Variants in BLZF1 observed in about 807,000 individuals in gnomAD.
BLZF1 encodes the protein basic leucine zipper nuclear factor 1.
BLZF1 carries 39 observed loss-of-function variants against 43.8 expected under a neutral mutation model. The observed-to-expected ratio is 0.89, with a 90% confidence interval of 0.69 to 1.16. The LOEUF (loss-of-function observed/expected upper bound fraction) is 1.16. Ranked by LOEUF, BLZF1 falls within the 50% of genes most tolerant of loss-of-function variation. BLZF1 has a pLI of 0.00. For missense variants in BLZF1, 449 were observed against 469.8 expected (o/e 0.96, Z 0.41); for synonymous variants, 136 against 159.4 (o/e 0.85, Z 1.11).
At position 169,376,621 on chromosome 1, in the gene BLZF1, C is replaced by T; in HGVS notation, c.110C>T (p.Ser37Phe). ...EEPPKSVEVTSGVQSRKHHSL... is the reference protein window; with the variant it reads ...EEPPKSVEVTFGVQSRKHHSL... Reference sequence around the variant, plus strand: ...CCACCTAAATCTGTTGAAGTTACCTCCGGAGTCCAATCTAGAAAGCATCAT... The same window carrying T: ...CCACCTAAATCTGTTGAAGTTACCTTCGGAGTCCAATCTAGAAAGCATCAT... Residue 37 changes from serine to phenylalanine, a missense_variant, in exon 3 of 7, where the codon TCC becomes TTC. By Grantham distance (155) the Ser-to-Phe change is radical (BLOSUM62 -2). Coordinates refer to ENST00000367808, the MANE Select transcript of BLZF1 (RefSeq NM_001320973.2). The T allele has an allele frequency of 6.2e-7, 1 of 1,613,122 alleles. No homozygotes were observed. Among genetic ancestry groups the T allele is most frequent in the Non-Finnish European group, 8.5e-7 (1 of 1,179,492 alleles).
intron 2 of BLZF1, among the ~76,000 whole-genome samples, chr1:169,371,829 G>A (rs1010918053): frequency 3.9e-5 from 6 of 152,148 alleles, no homozygotes; most frequent in African/African-American, 1.4e-4. Flanking sequence ...AAATAGAAAG[G>A]TCTGAGACAT....
chr1:169,389,054 G>A (rs769704619), downstream of BLZF1, among the ~76,000 whole-genome samples: 3 of 152,076 alleles, frequency 2.0e-5, no homozygotes, highest in Non-Finnish European at 2.9e-5. Context: ...CCTGGGAGGC[G>A]GAGGTTGTAG....
Position 169,387,718 on chromosome 1 carries a change from T to A in BLZF1, c.*536T>A, listed in dbSNP as rs1654715744. 6.6e-6 allele frequency: 1 copy of A among 152,302 alleles called. No individual in the cohort carries two copies. The highest frequency in any genetic ancestry group is 2.4e-5 in the African/African-American group (1 of 41,460). The allele number at this position is 152,302 out of a possible 1,614,324, so 9.4% of individuals were successfully genotyped here. The stretch of plus-strand genomic sequence containing the variant: ...ATTGTAGTAGGGAGCTGGAGGACTT[T>A]CTTTCCCTTTATGGTAATTTTTTGA... On this transcript the variant is annotated 3_prime_UTR_variant, in exon 7 of 7. Coordinates refer to ENST00000367808, the MANE Select transcript of BLZF1 (RefSeq NM_001320973.2).
intron 2 of BLZF1, among the ~76,000 whole-genome samples, chr1:169,373,093 A>G (rs1654179690): frequency 6.6e-6 from 1 of 152,108 alleles, no homozygotes; most frequent in Non-Finnish European, 1.5e-5. Context: ...AGCCTAAAAT[A>G]TTTACTCTCT....
chr1:169,393,603 C>G (rs1057277596), intron 7 of BLZF1, among the ~76,000 whole-genome samples: 6 of 144,178 alleles, frequency 4.2e-5, no homozygotes, highest in African/African-American at 1.5e-4. Context: ...AAAAAAACAA[C>G]TTTGTCTCTT....
At chr1:169,373,006 T>C (rs1298476031) in intron 2 of BLZF1, among the ~76,000 whole-genome samples, 1 of 152,184 alleles carries the variant, frequency 6.6e-6, no homozygotes, top group African/African-American at 2.4e-5. Context: ...TTGTTATAGT[T>C]TGAATTTCAT....
At chr1:169,391,513 G>T (rs192867185), downstream of BLZF1, among the ~76,000 whole-genome samples, 2 of 152,118 alleles carry the variant, frequency 1.3e-5, no homozygotes, top group Admixed American at 6.5e-5. Context: ...GCTGTTTCTC[G>T]TGGCCCAATA....
intron 7 of BLZF1, among the ~76,000 whole-genome samples, chr1:169,394,350 G>A (rs1341279348): frequency 6.6e-6 from 1 of 151,976 alleles, no homozygotes; most frequent in Non-Finnish European, 1.5e-5. Context: ...TTTCAGATTC[G>A]GGGATACATA....
intron 2 of BLZF1, among the ~76,000 whole-genome samples, chr1:169,373,552 A>AC (rs753979474): frequency 1.3e-5 from 2 of 152,194 alleles, no homozygotes; most frequent in Non-Finnish European, 2.9e-5. Flanking sequence ...TTACCTATGC[A>AC]CATTAGCTAG....
chr1:169,373,626 A>G (rs1021712054), intron 2 of BLZF1, among the ~76,000 whole-genome samples: 2 of 152,210 alleles, frequency 1.3e-5, no homozygotes, highest in African/African-American at 4.8e-5. Flanking sequence ...ATATTCATAA[A>G]TGCTTGAGTA....
chr1:169,373,570 G>GTTA (rs923829246), intron 2 of BLZF1, among the ~76,000 whole-genome samples: 7 of 152,208 alleles, frequency 4.6e-5, no homozygotes, highest in Non-Finnish European at 1.0e-4. Context: ...TAGAATCATA[G>GTTA]TTATTACTGA....
chr1:169,395,093 T>C (rs755840130), intron 7 of BLZF1: 20 of 1,612,784 alleles, frequency 1.2e-5, no homozygotes, highest in Non-Finnish European at 1.6e-5. Context: ...TTCTGACATA[T>C]ATAGGTGGTG....
chr1:169,377,351 G>A, intron 3 of BLZF1: 1 of 209,372 alleles, frequency 4.8e-6, no homozygotes, highest in Middle Eastern at 1.7e-3. Flanking sequence ...TTGTGTATAC[G>A]GGATACTTGG....
At chr1:169,376,395 T>G in intron 2 of BLZF1, 145 bp from the exon 3 acceptor site, 1 of 648,890 alleles carries the variant, frequency 1.5e-6, no homozygotes, top group East Asian at 3.0e-5. Flanking sequence ...TGACACATGA[T>G]TGTTTTGAAA....
chr1:169,380,727 AC>A, intron 5 of BLZF1, 118 bp downstream of exon 5: 3 of 1,163,736 alleles, frequency 2.6e-6, no homozygotes, highest in Non-Finnish European at 3.7e-6. Context: ...TTGATAACTT[AC>A]TGAGCATATA....
At position 169,379,506 on chromosome 1, in the gene BLZF1, G is replaced by T. The variant is rs77324731; in HGVS notation, c.669-975G>T. Among the ~76,000 whole-genome samples, 1,511 of 151,980 alleles carry T rather than the reference G, an allele frequency of 9.9e-3. 26 individuals are homozygous for T. Among genetic ancestry groups the T allele is most frequent in the African/African-American group, 0.035 (1,433 of 41,492 alleles). ...TTAAGAGGCAAATCATGAATATATTGTACAAATTTTTGCAATATGCAACTT... is the reference window on the plus strand; with the variant it reads ...TTAAGAGGCAAATCATGAATATATTTTACAAATTTTTGCAATATGCAACTT... On this transcript the variant is annotated intron_variant, in intron 4 of 6. Transcript: ENST00000367808.
Position 169,381,197 on chromosome 1 carries a change from G to T in BLZF1, c.797+588G>T, listed in dbSNP as rs61505890. Reference sequence around the variant, plus strand: ...TACATTACCAGTATCAGGAATGAAGGGGGGGGTACAATATAGACTCTATAC... The same window carrying T: ...TACATTACCAGTATCAGGAATGAAGTGGGGGGTACAATATAGACTCTATAC... On this transcript the variant is annotated intron_variant, in intron 5 of 6. Transcript: ENST00000367808. Among the ~76,000 whole-genome samples, 1,209 of 151,830 alleles carry T rather than the reference G, an allele frequency of 8.0e-3. 25 individuals carry two copies. The highest frequency in any genetic ancestry group is 0.028 in the African/African-American group (1,158 of 41,448).
intron 6 of BLZF1, 145 bp from the exon 7 acceptor site, chr1:169,386,850 CTT>C (rs1654687609): frequency 5.4e-6 from 3 of 555,042 alleles, no homozygotes; most frequent in Non-Finnish European, 9.2e-6. Flanking sequence ...AGTAAGTTGT[CTT>C]TTCAATCAGA....
Position 169,382,298 on chromosome 1 carries a change from T to G in BLZF1, c.1017+17T>G. 1.2e-6 allele frequency: 2 copies of G among 1,602,544 alleles called. No individual in the cohort carries two copies. Among genetic ancestry groups the G allele is most frequent in the South Asian group, 2.2e-5 (2 of 90,410 alleles). On this transcript the variant is annotated intron_variant, in intron 6 of 6. Coordinates refer to ENST00000367808, the MANE Select transcript of BLZF1 (RefSeq NM_001320973.2). Reference sequence around the variant, plus strand: ...GCTGAAACGGTAAAATATTTTCTTTTGTGATCTATGGAACTTCTAACACTG... The same window carrying G: ...GCTGAAACGGTAAAATATTTTCTTTGGTGATCTATGGAACTTCTAACACTG...
Sources: gnomAD v4.1 joint callset for allele counts (sites outside exome capture counted in the v4.1 genomes callset) on GRCh38, gnomAD v4.1.1 for gene constraint, MANE v1.5 for transcripts, NCBI Gene and HGNC (gene_info 2026-07-23, HGNC 2026-07-21) for gene names.